RBFOX1: variants seen among roughly 807,000 people sequenced by gnomAD.
The protein encoded by RBFOX1 is RNA binding protein fox-1 homolog 1.
RBFOX1 carries 8 observed loss-of-function variants against 57.7 expected under a neutral mutation model. The ratio of observed to expected loss-of-function variants is 0.14; its 90% CI spans 0.08 to 0.25. The LOEUF is 0.25. Ranked by LOEUF, RBFOX1 falls within the 10% of genes least tolerant of loss-of-function variation. RBFOX1 has a pLI of 1.00. For synonymous variants in RBFOX1, 326 were observed against 222.4 expected, an observed-to-expected ratio of 1.47 and a Z score of -4.15; for missense variants, 611 against 548.5, an observed-to-expected ratio of 1.11 and a Z score of -1.14.
At chr16:6,734,122 C>A (rs948033705) in intron 3 of RBFOX1, among the ~76,000 whole-genome samples, 7 of 152,170 alleles carry the variant, frequency 4.6e-5, no homozygotes, top group Non-Finnish European at 8.8e-5. Flanking sequence ...GCACAGGGAT[C>A]CGCCAGAATT....
At chr16:7,694,133 CTT>C (rs2078055170) in intron 14 of RBFOX1, among the ~76,000 whole-genome samples, 1 of 152,068 alleles carries the variant, frequency 6.6e-6, no homozygotes, top group Non-Finnish European at 1.5e-5. Context: ...CTTCTTTTTC[CTT>C]TTGTCGTTTT....
intron 3 of RBFOX1, among the ~76,000 whole-genome samples, chr16:5,768,014 T>C (rs545234909): frequency 5.3e-5 from 8 of 152,334 alleles, no homozygotes; most frequent in African/African-American, 1.9e-4. Flanking sequence ...TCAGAATGAA[T>C]GTATAGCTCA....
chr16:5,762,069 A>G (rs2053613860), intron 3 of RBFOX1, among the ~76,000 whole-genome samples: 1 of 152,210 alleles, frequency 6.6e-6, no homozygotes, highest in Non-Finnish European at 1.5e-5. Context: ...GGAAATAAAA[A>G]TGGATCTATT....
At chr16:6,815,553 C>G (rs908315663) in intron 3 of RBFOX1, among the ~76,000 whole-genome samples, 1 of 152,192 alleles carries the variant, frequency 6.6e-6, no homozygotes, top group Admixed American at 6.5e-5. Flanking sequence ...ATGCCAGTCT[C>G]TATCCATACA....
chr16:6,947,826 C>A (rs62017752), intron 3 of RBFOX1, among the ~76,000 whole-genome samples: 3 of 152,032 alleles, frequency 2.0e-5, no homozygotes, highest in Non-Finnish European at 4.4e-5. Flanking sequence ...GCTCAAGCTG[C>A]AGTGCAGTCG....
intron 3 of RBFOX1, among the ~76,000 whole-genome samples, chr16:6,724,230 T>G (rs1458826628): frequency 7.1e-6 from 1 of 141,728 alleles, no homozygotes; most frequent in African/African-American, 2.7e-5. Flanking sequence ...TTTTTTTGAG[T>G]TGGAGTTTCA....
intron 4 of RBFOX1, among the ~76,000 whole-genome samples, chr16:7,122,884 T>C (rs1005160937): frequency 1.3e-5 from 2 of 152,122 alleles, no homozygotes; most frequent in Non-Finnish European, 2.9e-5. Flanking sequence ...GAGCAACTAT[T>C]GATATATGTG....
At chr16:5,966,553 G>A (rs1354679779) in intron 4 of RBFOX1, among the ~76,000 whole-genome samples, 4 of 152,156 alleles carry the variant, frequency 2.6e-5, no homozygotes, top group Non-Finnish European at 4.4e-5. Flanking sequence ...CGCCTCCCAG[G>A]TTCAAGCAAT....
intron 4 of RBFOX1, among the ~76,000 whole-genome samples, chr16:7,460,775 A>G (rs974470174): frequency 1.3e-5 from 2 of 152,112 alleles, no homozygotes; most frequent in African/African-American, 4.8e-5. Flanking sequence ...AATAAAAGCT[A>G]TTGTGTTGAA....
intron 5 of RBFOX1, among the ~76,000 whole-genome samples, chr16:7,574,068 G>A (rs1284112851): frequency 6.6e-6 from 1 of 152,046 alleles, no homozygotes; most frequent in Non-Finnish European, 1.5e-5. Context: ...AGCTTCTCAG[G>A]GATGCTATAA....
intron 2 of RBFOX1, among the ~76,000 whole-genome samples, chr16:6,422,008 C>G (rs371630995): frequency 3.2e-4 from 48 of 150,216 alleles, no homozygotes; most frequent in African/African-American, 1.2e-3. Flanking sequence ...GCAACCTCTG[C>G]CTCCAGGATT....
At chr16:7,342,981 C>T (rs1406735241) in intron 4 of RBFOX1, among the ~76,000 whole-genome samples, 6 of 152,086 alleles carry the variant, frequency 3.9e-5, no homozygotes, top group Non-Finnish European at 5.9e-5. Flanking sequence ...AATCTTTGTC[C>T]AGAACATGCT....
chr16:5,734,761 A>G (rs2052511885), intron 3 of RBFOX1, among the ~76,000 whole-genome samples: 1 of 152,098 alleles, frequency 6.6e-6, no homozygotes, highest in African/African-American at 2.4e-5. Flanking sequence ...CCTGTAGGCT[A>G]TAGGGAATAG....
At chr16:7,278,959 T>G (rs1640148837) in intron 4 of RBFOX1, among the ~76,000 whole-genome samples, 1 of 152,214 alleles carries the variant, frequency 6.6e-6, no homozygotes, top group South Asian at 2.1e-4. Context: ...TCTGGCTTTT[T>G]TTTCCTTCTT....
intron 3 of RBFOX1, among the ~76,000 whole-genome samples, chr16:5,823,348 G>A (rs2055921951): frequency 1.3e-5 from 2 of 152,168 alleles, no homozygotes; most frequent in South Asian, 2.1e-4. Flanking sequence ...TAAAGGAAGG[G>A]GTAGCTCCTG....
intron 3 of RBFOX1, among the ~76,000 whole-genome samples, chr16:6,950,021 G>C (rs1010614452): frequency 4.0e-5 from 6 of 150,758 alleles, no homozygotes; most frequent in African/African-American, 1.5e-4. Context: ...TTCTCGGCTC[G>C]CTGCAACGTC....
intron 3 of RBFOX1, among the ~76,000 whole-genome samples, chr16:5,618,883 C>T (rs1336681501): frequency 6.6e-6 from 1 of 152,158 alleles, no homozygotes; most frequent in East Asian, 1.9e-4. Context: ...ACCCAGCTTC[C>T]TGTTGCTGCT....
intron 12 of RBFOX1, among the ~76,000 whole-genome samples, chr16:7,663,025 A>C (rs2068166402): frequency 6.6e-6 from 1 of 152,216 alleles, no homozygotes; most frequent in African/African-American, 2.4e-5. Context: ...TTGCCAGCAC[A>C]AGGCATTGCA....
intron 1 of RBFOX1, among the ~76,000 whole-genome samples, chr16:5,256,557 A>C (rs1225636125): frequency 6.6e-6 from 1 of 152,086 alleles, no homozygotes; most frequent in African/African-American, 2.4e-5. Flanking sequence ...ACATTCTGCT[A>C]TTTGAATGCA....
Sources: gnomAD v4.1 joint callset for allele counts (sites outside exome capture counted in the v4.1 genomes callset) on GRCh38, gnomAD v4.1.1 for gene constraint, MANE v1.5 for transcripts, NCBI Gene and HGNC (gene_info 2026-07-23, HGNC 2026-07-21) for gene names.